TEC: variants seen among roughly 807,000 people sequenced by gnomAD.
TEC encodes the protein tyrosine-protein kinase Tec.
In TEC, 72 loss-of-function variants were observed where a neutral mutation model predicts 93.0. The observed-to-expected ratio is 0.77, with a 90% CI of 0.64 to 0.94. TEC has a LOEUF of 0.94. Among genes scored for constraint, TEC ranks in the 40% least tolerant of loss-of-function variants. TEC has a pLI of 0.00. For missense variants in TEC, 630 were observed against 757.9 expected, an observed-to-expected ratio of 0.83 and a Z score of 1.98; for synonymous variants, 249 against 247.7, an observed-to-expected ratio of 1.01 and a Z score of -0.05.
intron 2 of TEC, among the ~76,000 whole-genome samples, chr4:48,212,168 G>A (rs1248664608): frequency 6.9e-6 from 1 of 145,552 alleles, no homozygotes; most frequent in South Asian, 2.1e-4. Flanking sequence ...TTTTTTTTCT[G>A]CTGGTCTCTC....
intron 2 of TEC, among the ~76,000 whole-genome samples, chr4:48,199,258 T>G (rs1329280086): frequency 6.6e-6 from 1 of 152,116 alleles, no homozygotes; most frequent in African/African-American, 2.4e-5. Context: ...AATTTACTTC[T>G]CTAACCCCAA....
rs1719529286 is a variant in TEC at position 48,138,680 on chromosome 4, C to T, written c.1797G>A (p.Leu599=). ...AAATCTATACCTCCTGCCAACATCT[C>T]AGCATCACCTCATACACATAGTTGG... The part of the protein sequence containing the change: ...LASNYVYEVM[L]RCWQEKPEGR... Residue 599 remains leucine (L), a synonymous_variant, in exon 17 of 18, where the codon CTG becomes CTA. Transcript: ENST00000381501. 3.7e-6 allele frequency: 6 copies of T among 1,608,342 alleles called. No individual in the cohort carries two copies. The East Asian group carries it at 1.3e-4, about 36-fold the overall frequency.
chr4:48,226,200 C>T (rs572827958), intron 2 of TEC, among the ~76,000 whole-genome samples: 9 of 148,926 alleles, frequency 6.0e-5, no homozygotes, highest in African/African-American at 1.5e-4. Context: ...GCCCATACTG[C>T]GAACCAAACA....
rs553228795 is a variant in TEC, at chr4:48,238,581, T to G, written c.-45-9922A>C. ...GATTATAGCACTGGATTAGGGGACA[T>G]GTGAACCTAGAAACAGACTGAGAGT... On this transcript the variant is annotated intron_variant, in intron 1 of 17. Transcript: ENST00000381501. Among the ~76,000 whole-genome samples the G allele has an allele frequency of 5.9e-5, 9 of 152,102 alleles. No individual in the cohort carries two copies. The South Asian group carries it at 1.9e-3, about 32-fold the overall frequency.
At chr4:48,143,687 A>C (rs932281761) in intron 14 of TEC, among the ~76,000 whole-genome samples, 1 of 152,216 alleles carries the variant, frequency 6.6e-6, no homozygotes, top group Non-Finnish European at 1.5e-5. Context: ...AATATGTTTT[A>C]ATTCTAGAGA....
chr4:48,201,505 C>T (rs575947537), intron 2 of TEC, among the ~76,000 whole-genome samples: 1 of 152,206 alleles, frequency 6.6e-6, no homozygotes, highest in African/African-American at 2.4e-5. Flanking sequence ...GAAAGGGCAG[C>T]CCTGGAAGGA....
At chr4:48,202,695 T>C (rs1204680192) in intron 2 of TEC, among the ~76,000 whole-genome samples, 1 of 152,226 alleles carries the variant, frequency 6.6e-6, no homozygotes, top group African/African-American at 2.4e-5. Flanking sequence ...TTGATCCCCA[T>C]AACAACCCTT....
At chr4:48,222,286 G>GA in intron 2 of TEC, among the ~76,000 whole-genome samples, 1 of 152,072 alleles carries the variant, frequency 6.6e-6, no homozygotes, top group Non-Finnish European at 1.5e-5. Flanking sequence ...AGGAGAAGAA[G>GA]AAAAAATTGC....
chr4:48,166,055 G>A (rs1720861692), intron 7 of TEC, among the ~76,000 whole-genome samples: 1 of 152,140 alleles, frequency 6.6e-6, no homozygotes, highest in Admixed American at 6.5e-5. Flanking sequence ...CCTTCTACTG[G>A]GTCCATCTTC....
intron 4 of TEC, among the ~76,000 whole-genome samples, chr4:48,170,908 G>A (rs7684558): frequency 0.36 from 53,912 of 151,776 alleles, 10,397 homozygotes; most frequent in Non-Finnish European, 0.43. Flanking sequence ...AAAATTAGCC[G>A]GGCATGGTGG....
chr4:48,262,904 G>A (rs1429337837), intron 1 of TEC, among the ~76,000 whole-genome samples: 2 of 152,232 alleles, frequency 1.3e-5, no homozygotes, highest in Non-Finnish European at 2.9e-5. Context: ...GCCATCATGG[G>A]AAGATCGAGC....
intron 7 of TEC, among the ~76,000 whole-genome samples, chr4:48,164,255 T>A (rs967375529): frequency 1.3e-5 from 2 of 152,194 alleles, no homozygotes; most frequent in Non-Finnish European, 2.9e-5. Context: ...TATAGAATAG[T>A]TTCACAAAGG....
At chr4:48,148,293 AAC>A (rs1720003699) in intron 11 of TEC, among the ~76,000 whole-genome samples, 1 of 152,174 alleles carries the variant, frequency 6.6e-6, no homozygotes, top group Non-Finnish European at 1.5e-5. Flanking sequence ...AAAAAAAGTG[AAC>A]AGTCACAAAA....
chr4:48,214,677 C>A (rs1007946641), intron 2 of TEC, among the ~76,000 whole-genome samples: 1 of 151,896 alleles, frequency 6.6e-6, no homozygotes, highest in Non-Finnish European at 1.5e-5. Context: ...CATGGCAAAA[C>A]CCCATCTCTA....
chr4:48,245,614 T>A (rs764409196), intron 1 of TEC, among the ~76,000 whole-genome samples: 14 of 152,238 alleles, frequency 9.2e-5, no homozygotes, highest in Non-Finnish European at 1.5e-4. Flanking sequence ...TTACTATTAA[T>A]CGCTAAAACA....
intron 2 of TEC, among the ~76,000 whole-genome samples, chr4:48,215,890 G>T (rs1213229723): frequency 6.6e-6 from 1 of 152,096 alleles, no homozygotes; most frequent in Non-Finnish European, 1.5e-5. Context: ...TTGGGTCCAG[G>T]CTTAACAACC....
intron 1 of TEC, among the ~76,000 whole-genome samples, chr4:48,231,644 C>T (rs1463586262): frequency 6.6e-6 from 1 of 152,048 alleles, no homozygotes; most frequent in African/African-American, 2.4e-5. Context: ...GTAGTCCCAG[C>T]TACTCGGGAA....
chr4:48,151,588 G>A (rs1720167071), intron 9 of TEC, among the ~76,000 whole-genome samples: 1 of 152,166 alleles, frequency 6.6e-6, no homozygotes, highest in African/African-American at 2.4e-5. Flanking sequence ...CTGGGTTCAA[G>A]CAGTTCTCCT....
At chr4:48,178,198 C>T (rs957236196) in intron 2 of TEC, among the ~76,000 whole-genome samples, 9 of 113,850 alleles carry the variant, frequency 7.9e-5, no homozygotes, top group Non-Finnish European at 1.7e-4. Context: ...GAAGAGAACC[C>T]AGCGGCCTCA....
Sources: allele counts gnomAD v4.1 joint callset (sites outside exome capture counted in the v4.1 genomes callset), GRCh38; gene constraint gnomAD v4.1.1; transcripts MANE v1.5; gene names NCBI Gene and HGNC (gene_info 2026-07-23, HGNC 2026-07-21).